Variants in RAB3B observed in about 807,000 individuals in gnomAD.
RAB3B encodes the protein RAB3B, member RAS oncogene family, also known as ras-related protein Rab-3B.
RAB3B carries 11 observed loss-of-function variants against 20.5 expected under a neutral mutation model. The ratio of observed to expected loss-of-function variants is 0.54; its 90% CI spans 0.34 to 0.89. The LOEUF (loss-of-function observed/expected upper bound fraction) is 0.89, where lower values mean the gene tolerates loss of function less well. Ranked by LOEUF, RAB3B falls within the 40% of genes least tolerant of loss-of-function variation. The pLI is 0.02. For missense variants in RAB3B, 225 were observed against 280.9 expected, an observed-to-expected ratio of 0.80 and a Z score of 1.42; for synonymous variants, 99 against 106.3, an observed-to-expected ratio of 0.93 and a Z score of 0.42.
At chr1:51,959,025 G>A (rs896339861) in intron 2 of RAB3B, among the ~76,000 whole-genome samples, 11 of 152,186 alleles carry the variant, frequency 7.2e-5, no homozygotes, top group Admixed American at 2.6e-4. Context: ...AGTCAGACCC[G>A]GTCCCTGCCC....
intron 2 of RAB3B, among the ~76,000 whole-genome samples, chr1:51,937,995 T>C (rs1304335233): frequency 4.8e-5 from 7 of 146,722 alleles, no homozygotes; most frequent in Non-Finnish European, 1.0e-4. Flanking sequence ...TATTTTTGTT[T>C]CTTTTTTTTT....
chr1:51,949,363 G>A (rs1221074634), intron 2 of RAB3B, among the ~76,000 whole-genome samples: 1 of 152,056 alleles, frequency 6.6e-6, no homozygotes, highest in Non-Finnish European at 1.5e-5. Context: ...CATTACACCG[G>A]CACAGGATTT....
chr1:51,946,081 T>C (rs1333443402), intron 2 of RAB3B, among the ~76,000 whole-genome samples: 1 of 152,214 alleles, frequency 6.6e-6, no homozygotes, highest in Non-Finnish European at 1.5e-5. Context: ...AATTGAGCCT[T>C]AGTTTCCTCA....
chr1:51,972,489 CT>C (rs1160625371), intron 2 of RAB3B, among the ~76,000 whole-genome samples: 7,947 of 130,730 alleles, frequency 0.061, 127 homozygotes, highest in South Asian at 0.074. Context: ...TTTCTTTTTT[CT>C]TTTTTTTTTT....
rs1273113193 is a variant in RAB3B, at chr1:51,910,569, A to T, written c.*9358T>A. ...GGACCATACGCCTGGCTAAGTGATG[A>T]GGGGGTCACACAGCCTTGGCTCTTT... On this transcript the variant is annotated 3_prime_UTR_variant, in exon 5 of 5. Coordinates refer to ENST00000371655, the MANE Select transcript of RAB3B (RefSeq NM_002867.4). 1.3e-5 allele frequency: 2 copies of T among 152,160 alleles called. No individual in the cohort carries two copies. The highest frequency in any genetic ancestry group is 4.8e-5 in the African/African-American group (2 of 41,432). The allele number at this position is 152,160 out of a possible 1,614,324, so 9.4% of individuals were successfully genotyped here. A position where few individuals can be genotyped will look rare whatever the true frequency, so the allele number is the denominator to read the frequency against.
intron 4 of RAB3B, 117 bp from the exon 5 acceptor site, chr1:51,920,231 G>T: frequency 1.1e-6 from 1 of 899,018 alleles, no homozygotes; most frequent in East Asian, 2.7e-5. Context: ...GTGAAGCAAA[G>T]AGGCTAAATT....
rs1685020797 is a variant in RAB3B, at chr1:51,977,100, A to G, written c.18T>C (p.Asp6=). The G allele has an allele frequency of 3.1e-6, 5 of 1,614,150 alleles. No homozygotes were observed. Among genetic ancestry groups the G allele is most frequent in the Non-Finnish European group, 3.4e-6 (4 of 1,180,006 alleles). The stretch of plus-strand genomic sequence containing the variant: ...AGGCATCTTTGACTCCAGTTTTACC[A>G]TCTGTCACTGAAGCCATCTGCAAGA... MASVT[D]GKTGVKDASD... is the part of the protein sequence containing the mutation. Residue 6 remains aspartate, a synonymous_variant, in exon 2 of 5, where the codon GAT becomes GAC. Coordinates refer to ENST00000371655, the MANE Select transcript of RAB3B (RefSeq NM_002867.4).
At position 51,958,461 on chromosome 1, in the gene RAB3B, T is replaced by C. The variant is rs553780749; in HGVS notation, c.228+18429A>G. On this transcript the variant is annotated intron_variant, in intron 2 of 4. Coordinates refer to ENST00000371655, the MANE Select transcript of RAB3B (RefSeq NM_002867.4). Reference sequence around the variant, plus strand: ...ATACTCGGCCGGGCGCGGTGGCTCATGCCTGTAATCCTAGCACTTTGGGAG... The same window carrying C: ...ATACTCGGCCGGGCGCGGTGGCTCACGCCTGTAATCCTAGCACTTTGGGAG... 2.9e-3 allele frequency among the ~76,000 whole-genome samples: 443 copies of C among 152,242 alleles called. 1 individual carries two copies. The highest frequency in any genetic ancestry group is 5.3e-3 in the Admixed American group (81 of 15,300).
At chr1:51,936,869 A>C in intron 3 of RAB3B, among the ~76,000 whole-genome samples, 1 of 150,450 alleles carries the variant, frequency 6.6e-6, no homozygotes, top group East Asian at 1.9e-4. Flanking sequence ...GCTGGAGTGC[A>C]GTGGTGTGAT....
intron 4 of RAB3B, among the ~76,000 whole-genome samples, chr1:51,924,804 A>T (rs556711204): frequency 6.6e-6 from 1 of 152,262 alleles, no homozygotes; most frequent in South Asian, 2.1e-4. Flanking sequence ...ATTCTTCATT[A>T]GTAGGTCCAT....
At chr1:51,953,531 C>T (rs1274308529) in intron 2 of RAB3B, among the ~76,000 whole-genome samples, 7 of 152,216 alleles carry the variant, frequency 4.6e-5, no homozygotes, top group South Asian at 2.1e-4. Context: ...AGGCCAGGCA[C>T]GGTGGCTTGC....
chr1:51,930,517 G>A (rs911497099), intron 4 of RAB3B, among the ~76,000 whole-genome samples: 1 of 152,102 alleles, frequency 6.6e-6, no homozygotes, highest in African/African-American at 2.4e-5. Context: ...TGTGACTTTG[G>A]CAAGTTACTC....
Position 51,909,721 on chromosome 1 carries a change from G to A in RAB3B, c.*10206C>T, listed in dbSNP as rs1280984161. On this transcript the variant is annotated 3_prime_UTR_variant, in exon 5 of 5. Transcript: ENST00000371655. ...GGACTCTCCTCCCTTGGTCCTGACT[G>A]GATTCTTCTACCCTGATCCACTTAG... 1 of 152,254 alleles carries A rather than the reference G, an allele frequency of 6.6e-6. No homozygotes were observed. Among genetic ancestry groups the A allele is most frequent in the African/African-American group, 2.4e-5 (1 of 41,436 alleles). The allele number at this position is 152,254 out of a possible 1,614,324, so 9.4% of individuals were successfully genotyped here.
intron 2 of RAB3B, among the ~76,000 whole-genome samples, chr1:51,938,649 T>G (rs1305991379): frequency 2.0e-5 from 3 of 151,650 alleles, no homozygotes; most frequent in Non-Finnish European, 2.9e-5. Flanking sequence ...GAGACAAGAA[T>G]TACTGAGATT....
At position 51,912,554 on chromosome 1, in the gene RAB3B, A is replaced by AAAAAAAAT. The variant is rs1491223921; in HGVS notation, c.*7372_*7373insATTTTTTT. On this transcript the variant is annotated 3_prime_UTR_variant, in exon 5 of 5. Coordinates refer to ENST00000371655, the MANE Select transcript of RAB3B (RefSeq NM_002867.4). The stretch of plus-strand genomic sequence containing the variant: ...AGACCGTCTCTATTAAAAAAAAAAA[A>AAAAAAAAT]ATATATATATATATATATATATATA... The AAAAAAAAT allele has an allele frequency of 2.4e-3, 37 of 15,490 alleles. 1 individual carries two copies. The highest frequency in any genetic ancestry group is 4.3e-3 in the Non-Finnish European group (29 of 6,822). 1.0% of individuals were successfully genotyped at this position (15,490 alleles called of 1,614,324 possible).
At chr1:51,952,006 G>A (rs1043510067) in intron 2 of RAB3B, among the ~76,000 whole-genome samples, 19 of 152,116 alleles carry the variant, frequency 1.2e-4, no homozygotes, top group African/African-American at 1.2e-4. Context: ...AGTCCTTCAG[G>A]ACCCTGTCTA....
chr1:51,934,493 C>T (rs768510260), intron 3 of RAB3B, among the ~76,000 whole-genome samples: 3 of 152,044 alleles, frequency 2.0e-5, no homozygotes, highest in Non-Finnish European at 2.9e-5. Context: ...ACTTTTTGGC[C>T]GGGTGCGCTG....
intron 2 of RAB3B, among the ~76,000 whole-genome samples, chr1:51,975,782 A>T (rs1685000580): frequency 6.6e-6 from 1 of 152,164 alleles, no homozygotes; most frequent in South Asian, 2.1e-4. Flanking sequence ...TCACAAGGTC[A>T]GGAGTTCGAG....
rs912980170 is a variant in RAB3B, at chr1:51,971,726, C to G, written c.228+5164G>C. Among the ~76,000 whole-genome samples the G allele has an allele frequency of 5.3e-5, 8 of 152,266 alleles. No homozygotes were observed. The East Asian group carries it at 1.4e-3, about 26-fold the overall frequency. ...GATTACAGGCGTGGGCCACTGCACC[C>G]AGACCACACTATGTTTTTTCAATTT... On this transcript the variant is annotated intron_variant, in intron 2 of 4. Transcript: ENST00000371655.
Sources: gnomAD v4.1 joint callset for allele counts (sites outside exome capture counted in the v4.1 genomes callset) on GRCh38, gnomAD v4.1.1 for gene constraint, MANE v1.5 for transcripts, NCBI Gene and HGNC (gene_info 2026-07-23, HGNC 2026-07-21) for gene names.